CACNB4: variants seen among roughly 807,000 people sequenced by gnomAD.
CACNB4 encodes voltage-dependent L-type calcium channel subunit beta-4.
A neutral mutation model predicts 71.2 loss-of-function variants in CACNB4; 32 were observed. That is an observed-to-expected ratio of 0.45 (90% CI 0.34 to 0.60). CACNB4 has a LOEUF of 0.60. CACNB4 is among the 20% of genes least tolerant of loss of function. The pLI, the probability that CACNB4 is intolerant of heterozygous loss-of-function variation, is 0.01. For missense variants in CACNB4, 464 were observed against 647.9 expected (o/e 0.72, Z 3.08); for synonymous variants, 231 against 236.9 (o/e 0.97, Z 0.23).
rs761712022 is a variant in CACNB4, at chr2:151,839,309, G to T, written c.1373C>A (p.Ser458Tyr). Residue 458 changes from serine (S) to tyrosine (Y), a missense_variant, in exon 14 of 14, where the codon TCT (serine) becomes TAT (tyrosine). Transcript: ENST00000539935. ...CCTTTCATTGTGATAATTTTCATCAGAGGTCATTAGACTTCGTCTTTCAAT... is the reference window on the plus strand; with the variant it reads ...CCTTTCATTGTGATAATTTTCATCATAGGTCATTAGACTTCGTCTTTCAAT... ...SPIERRSLMT[S>Y]DENYHNERAR... The T allele has an allele frequency of 4.1e-5, 66 of 1,613,340 alleles. No individual in the cohort carries two copies. The highest frequency in any genetic ancestry group is 5.3e-5 in the Non-Finnish European group (63 of 1,179,328).
intron 2 of CACNB4, among the ~76,000 whole-genome samples, chr2:152,037,216 C>A (rs142429719): frequency 3.9e-4 from 60 of 152,264 alleles, no homozygotes; most frequent in African/African-American, 1.4e-3. Flanking sequence ...AATATAATAT[C>A]CTGCTTATCT....
At chr2:151,906,976 A>G (rs2099854983) in intron 2 of CACNB4, among the ~76,000 whole-genome samples, 1 of 152,062 alleles carries the variant, frequency 6.6e-6, no homozygotes, top group African/African-American at 2.4e-5. Flanking sequence ...TTATCATTGC[A>G]CTTACATTAT....
intron 12 of CACNB4, among the ~76,000 whole-genome samples, chr2:151,842,732 T>C (rs555213727): frequency 7.9e-5 from 12 of 152,208 alleles, no homozygotes; most frequent in Non-Finnish European, 1.8e-4. Flanking sequence ...TTTAGCCATG[T>C]ATTCCTATAG....
intron 2 of CACNB4, among the ~76,000 whole-genome samples, chr2:152,023,103 T>G: frequency 7.0e-6 from 1 of 142,454 alleles, no homozygotes; most frequent in Non-Finnish European, 1.5e-5. Flanking sequence ...GTGCAGGGGG[T>G]CCATGAGGGG....
At chr2:151,911,341 G>C (rs1222282879) in intron 2 of CACNB4, among the ~76,000 whole-genome samples, 1 of 152,094 alleles carries the variant, frequency 6.6e-6, no homozygotes. Flanking sequence ...ATACTATGTT[G>C]GATAAGAGTG....
At chr2:152,032,686 C>T (rs1209456209) in intron 2 of CACNB4, among the ~76,000 whole-genome samples, 3 of 152,120 alleles carry the variant, frequency 2.0e-5, no homozygotes, top group African/African-American at 7.2e-5. Flanking sequence ...ATTTTTTAGG[C>T]AGGGTGTGGT....
At chr2:151,990,122 C>G (rs1681623995) in intron 2 of CACNB4, among the ~76,000 whole-genome samples, 1 of 152,176 alleles carries the variant, frequency 6.6e-6, no homozygotes, top group Non-Finnish European at 1.5e-5. Context: ...TCTGTTGACA[C>G]AACATCCATG....
At chr2:151,840,810 A>G (rs2099836009) in intron 13 of CACNB4, among the ~76,000 whole-genome samples, 1 of 152,228 alleles carries the variant, frequency 6.6e-6, no homozygotes, top group African/African-American at 2.4e-5. Flanking sequence ...CCATTAAAAC[A>G]AAACTCATCA....
chr2:151,941,400 G>A (rs1260042239), intron 2 of CACNB4, among the ~76,000 whole-genome samples: 1 of 150,104 alleles, frequency 6.7e-6, no homozygotes, highest in Non-Finnish European at 1.5e-5. Flanking sequence ...TCCTGCCTCA[G>A]CAACCCGAGT....
rs2151311748 is a variant in CACNB4 at position 151,838,646 on chromosome 2, A to G, written c.*473T>C. The stretch of plus-strand genomic sequence containing the variant: ...AAAGCTGGATTTGGCTTCTATTGGT[A>G]TTTCGATTTTCTTATTAGTTTTTTT... On this transcript the variant is annotated 3_prime_UTR_variant, in exon 14 of 14. Transcript: ENST00000539935. The G allele has an allele frequency of 6.6e-6, 1 of 152,268 alleles. No individual in the cohort carries two copies. The highest frequency in any genetic ancestry group is 1.9e-4 in the East Asian group (1 of 5,152). The allele number at this position is 152,268 out of a possible 1,614,324, so 9.4% of individuals were successfully genotyped here.
chr2:152,052,739 G>T (rs1035406923), intron 2 of CACNB4, among the ~76,000 whole-genome samples: 4 of 152,070 alleles, frequency 2.6e-5, no homozygotes, highest in Admixed American at 6.6e-5. Context: ...CAGCACTTTG[G>T]GGGGCTGAGG....
chr2:151,941,494 C>T (rs934534079), intron 2 of CACNB4, among the ~76,000 whole-genome samples: 1 of 151,800 alleles, frequency 6.6e-6, no homozygotes, highest in African/African-American at 2.4e-5. Context: ...GTTGACCAGG[C>T]TGGTCTTGAA....
At chr2:152,031,950 C>T (rs1314526281) in intron 2 of CACNB4, among the ~76,000 whole-genome samples, 5 of 152,270 alleles carry the variant, frequency 3.3e-5, no homozygotes, top group African/African-American at 7.2e-5. Flanking sequence ...CCTCACAGCC[C>T]GTGGCTTGCT....
At chr2:151,932,072 T>C (rs576527112) in intron 2 of CACNB4, among the ~76,000 whole-genome samples, 3 of 152,220 alleles carry the variant, frequency 2.0e-5, no homozygotes, top group East Asian at 1.9e-4. Context: ...TTGACTTTAA[T>C]ATTGGAGAAG....
At chr2:151,967,456 C>G (rs2099871446) in intron 2 of CACNB4, 1 of 144,578 alleles carries the variant, frequency 6.9e-6, no homozygotes, top group Non-Finnish European at 1.6e-5. Flanking sequence ...TAGATATGCC[C>G]AATAGAAGGC....
chr2:151,843,386 C>G (rs2099836730), intron 12 of CACNB4, among the ~76,000 whole-genome samples: 1 of 152,244 alleles, frequency 6.6e-6, no homozygotes, highest in Non-Finnish European at 1.5e-5. Context: ...GCAAACACAA[C>G]TCACTGCAGC....
chr2:151,934,974 T>C (rs2151615176), intron 2 of CACNB4, among the ~76,000 whole-genome samples: 1 of 152,358 alleles, frequency 6.6e-6, no homozygotes, highest in East Asian at 1.9e-4. Flanking sequence ...GCCACACATA[T>C]TTGCTTCACA....
intron 2 of CACNB4, among the ~76,000 whole-genome samples, chr2:152,038,080 G>A (rs906517272): frequency 3.3e-5 from 5 of 152,266 alleles, no homozygotes; most frequent in African/African-American, 1.2e-4. Flanking sequence ...ATGCATGTCA[G>A]GAACCTACTG....
intron 2 of CACNB4, among the ~76,000 whole-genome samples, chr2:152,085,408 T>C (rs1459643515): frequency 6.6e-6 from 1 of 152,174 alleles, no homozygotes; most frequent in Non-Finnish European, 1.5e-5. Context: ...ATTTATCTTT[T>C]TAAAATAGGC....
Sources: allele counts gnomAD v4.1 joint callset (sites outside exome capture counted in the v4.1 genomes callset), GRCh38; gene constraint gnomAD v4.1.1; transcripts MANE v1.5; gene names NCBI Gene and HGNC (gene_info 2026-07-23, HGNC 2026-07-21).